Variants in TTC23L observed in about 807,000 individuals in gnomAD.
TTC23L encodes the protein tetratricopeptide repeat domain 23 like.
TTC23L carries 42 observed loss-of-function variants against 48.1 expected under a neutral mutation model. The observed-to-expected ratio is 0.87, with a 90% CI of 0.68 to 1.13. The LOEUF is 1.13. Ranked by LOEUF, TTC23L falls within the 50% of genes most tolerant of loss-of-function variation. The probability of loss-of-function intolerance (pLI) is 0.00; values close to 1 mark genes in which losing one functional copy is unlikely to be tolerated. For synonymous variants in TTC23L, 159 were observed against 157.2 expected (o/e 1.01, Z -0.09); for missense variants, 391 against 421.0 (o/e 0.93, Z 0.62).
At chr5:34,908,625 G>A in the TTC23L span, 1 of 683,398 alleles carries the variant, frequency 1.5e-6, no homozygotes, top group Non-Finnish European at 2.5e-6. Context: ...AACTATTAGG[G>A]TACATGACCT....
the TTC23L span, chr5:34,915,053 G>A: frequency 8.8e-6 from 6 of 683,264 alleles, no homozygotes; most frequent in East Asian, 1.4e-4. Context: ...CTGGGAGGCT[G>A]AACACGGCTG....
downstream of TTC23L, among the ~76,000 whole-genome samples, chr5:34,900,279 T>C (rs1296106395): frequency 6.6e-6 from 1 of 152,110 alleles, no homozygotes. Flanking sequence ...TTGTATGTTA[T>C]ATGTATAGTA....
the TTC23L span, chr5:34,911,874 GA>G: frequency 6.5e-7 from 1 of 1,535,674 alleles, no homozygotes; most frequent in Non-Finnish European, 8.8e-7. Context: ...GCTTCTCCTC[GA>G]AATGATACAT....
rs1317484378 is a variant in TTC23L at position 34,848,218 on chromosome 5, C to T, written c.256-1967C>T. 5.3e-5 allele frequency among the ~76,000 whole-genome samples: 8 copies of T among 152,322 alleles called. No individual in the cohort carries two copies. The Middle Eastern group carries it at 0.014, about 259-fold the overall frequency. On this transcript the variant is annotated intron_variant, in intron 3 of 10. Transcript: ENST00000505624. Reference sequence around the variant, plus strand: ...TTAACCAGGAAAAAAATGCCTGACCCTATCGACTCGTTCAGCCAATAATGG... The same window carrying T: ...TTAACCAGGAAAAAAATGCCTGACCTTATCGACTCGTTCAGCCAATAATGG...
At chr5:34,868,751 A>C in intron 7 of TTC23L, 154 bp from the exon 8 acceptor site, 1 of 641,040 alleles carries the variant, frequency 1.6e-6, no homozygotes, top group Non-Finnish European at 2.8e-6. Flanking sequence ...ATCAGTGGGA[A>C]TTATATATTC....
intron 8 of TTC23L, among the ~76,000 whole-genome samples, chr5:34,871,010 G>A (rs1012478971): frequency 6.6e-6 from 1 of 152,160 alleles, no homozygotes; most frequent in Non-Finnish European, 1.5e-5. Flanking sequence ...ATGCTTAGTG[G>A]TGAAAGACTG....
intron 8 of TTC23L, among the ~76,000 whole-genome samples, chr5:34,871,871 C>G (rs983073454): frequency 6.6e-6 from 1 of 152,062 alleles, no homozygotes; most frequent in African/African-American, 2.4e-5. Context: ...ACAAATGATA[C>G]TGCAACAACT....
chr5:34,913,843 C>T, the TTC23L span: 7 of 493,122 alleles, frequency 1.4e-5, no homozygotes, highest in Non-Finnish European at 3.9e-6. Context: ...GGAAAATAGA[C>T]GAATGACTTG....
At chr5:34,925,139 T>G in the TTC23L span, 1 of 1,451,914 alleles carries the variant, frequency 6.9e-7, no homozygotes, top group Non-Finnish European at 9.1e-7. Flanking sequence ...GCTGAAAGGA[T>G]ATATGGTTCA....
intron 6 of TTC23L, among the ~76,000 whole-genome samples, chr5:34,865,693 G>A (rs1203349028): frequency 1.3e-5 from 2 of 152,148 alleles, no homozygotes; most frequent in African/African-American, 4.8e-5. Flanking sequence ...CAGCCAATGA[G>A]GGTAGGTATT....
intron 9 of TTC23L, chr5:34,880,724 C>T (rs888170553): frequency 7.0e-5 from 23 of 327,522 alleles, no homozygotes; most frequent in South Asian, 2.2e-4. Flanking sequence ...CTGCAACCTC[C>T]GCCTCTTGGG....
chr5:34,880,065 C>T, intron 8 of TTC23L, 116 bp from the exon 9 acceptor site: 2 of 1,299,428 alleles, frequency 1.5e-6, no homozygotes, highest in South Asian at 3.0e-5. Context: ...CTTATGAGAC[C>T]TGGCTTGAGA....
the TTC23L span, chr5:34,908,584 C>A: frequency 3.8e-6 from 2 of 528,246 alleles, no homozygotes; most frequent in Non-Finnish European, 6.7e-6. Context: ...TATTTACATG[C>A]CCTCTACAAA....
At chr5:34,901,915 G>T (rs1039354625), downstream of TTC23L, among the ~76,000 whole-genome samples, 1 of 152,140 alleles carries the variant, frequency 6.6e-6, no homozygotes, top group Non-Finnish European at 1.5e-5. Flanking sequence ...GATTAAAAAG[G>T]CTTGTTTTAG....
chr5:34,880,605 C>T (rs911405345), intron 9 of TTC23L: 2 of 423,798 alleles, frequency 4.7e-6, no homozygotes, highest in African/African-American at 2.1e-5. Context: ...AGAAAATTGG[C>T]AGCCATATGT....
chr5:34,903,425 A>G (rs1206112827), downstream of TTC23L, among the ~76,000 whole-genome samples: 1 of 151,986 alleles, frequency 6.6e-6, no homozygotes, highest in African/African-American at 2.4e-5. Context: ...CCTTATCAAC[A>G]TCTCCCACCA....
Position 34,880,078 on chromosome 5 carries a change from A to G in TTC23L, c.950-103A>G. 2.9e-6 allele frequency: 4 copies of G among 1,394,678 alleles called. No individual in the cohort carries two copies. In the South Asian group the frequency reaches 4.3e-5, roughly 15 times the overall value. The allele number at this position is 1,394,678 out of a possible 1,614,324, so 86.4% of individuals were successfully genotyped here. A position where few individuals can be genotyped will look rare whatever the true frequency, so the allele number is the denominator to read the frequency against. ...TCCTTATGAGACCTGGCTTGAGAAC[A>G]AGCATGGACTTTAAGCATGAAAATG... On this transcript the variant is annotated intron_variant, in intron 8 of 10. Transcript: ENST00000505624.
chr5:34,866,787 G>T, intron 6 of TTC23L, 105 bp from the exon 7 acceptor site: 1 of 1,014,194 alleles, frequency 9.9e-7, no homozygotes, highest in South Asian at 1.8e-5. Flanking sequence ...CCAAGATGAT[G>T]GGCCTGTGAA....
At position 34,850,810 on chromosome 5, in the gene TTC23L, C is replaced by T. The variant is rs1385694206; in HGVS notation, c.379+502C>T. Among the ~76,000 whole-genome samples, 3 of 152,174 alleles carry T rather than the reference C, an allele frequency of 2.0e-5. No homozygotes were observed. The East Asian group carries it at 5.8e-4, about 29-fold the overall frequency. ...AGAGAAATGGTACTTCTGGAAGGTACTCTAGTATAAGAGAATAAGACAAGA... is the reference window on the plus strand; with the variant it reads ...AGAGAAATGGTACTTCTGGAAGGTATTCTAGTATAAGAGAATAAGACAAGA... On this transcript the variant is annotated intron_variant, in intron 4 of 10. Transcript: ENST00000505624.
Sources: gnomAD v4.1 joint callset for allele counts (sites outside exome capture counted in the v4.1 genomes callset) on GRCh38, gnomAD v4.1.1 for gene constraint, MANE v1.5 for transcripts, NCBI Gene and HGNC (gene_info 2026-07-23, HGNC 2026-07-21) for gene names.